TMEM132B: variants seen among roughly 807,000 people sequenced by gnomAD.
TMEM132B encodes transmembrane protein 132B.
A neutral mutation model predicts 90.8 loss-of-function variants in TMEM132B; 18 were observed. That is an observed-to-expected ratio of 0.20 (90% CI 0.14 to 0.29). The LOEUF (loss-of-function observed/expected upper bound fraction) is 0.29, where lower values mean the gene tolerates loss of function less well. TMEM132B is among the 10% of genes least tolerant of loss of function. The probability of loss-of-function intolerance (pLI) is 1.00; values close to 1 mark genes in which losing one functional copy is unlikely to be tolerated. For synonymous variants in TMEM132B, 504 were observed against 523.3 expected, an observed-to-expected ratio of 0.96 and a Z score of 0.50; for missense variants, 1,096 against 1,326.8, an observed-to-expected ratio of 0.83 and a Z score of 2.70.
chr12:125,574,019 G>A (rs1884873383), intron 4 of TMEM132B, among the ~76,000 whole-genome samples: 1 of 152,074 alleles, frequency 6.6e-6, no homozygotes, highest in African/African-American at 2.4e-5. Context: ...AGTTCATTGG[G>A]CCATTTCCTA....
At chr12:125,439,483 A>C (rs958057676) in intron 3 of TMEM132B, among the ~76,000 whole-genome samples, 6 of 152,048 alleles carry the variant, frequency 3.9e-5, no homozygotes, top group Non-Finnish European at 8.8e-5. Flanking sequence ...TACTGTTGGT[A>C]TGTAGGAATT....
intron 2 of TMEM132B, among the ~76,000 whole-genome samples, chr12:125,373,793 T>TTTTTG (rs1190309910): frequency 9.2e-5 from 14 of 151,536 alleles, no homozygotes; most frequent in Non-Finnish European, 1.6e-4. Context: ...GCACAGTTGT[T>TTTTTG]TTTTGTTTTG....
chr12:125,407,077 G>A lies in TMEM132B; in HGVS notation c.960-8454G>A, dbSNP rs903882539. ...GTGTCCAGAGCTTTTTTTGGAACTT[G>A]GTCACATAGACATGGCTGACTCTCC... On this transcript the variant is annotated intron_variant, in intron 2 of 8. Transcript: ENST00000682704. This position sits in a 1 kb window ranked among gnomAD's most constrained non-coding sequence, Gnocchi z 6.7. Among the ~76,000 whole-genome samples, 1 of 152,134 alleles carries A rather than the reference G, an allele frequency of 6.6e-6. No homozygotes were observed. The highest frequency in any genetic ancestry group is 1.5e-5 in the Non-Finnish European group (1 of 68,028).
intron 2 of TMEM132B, among the ~76,000 whole-genome samples, chr12:125,375,955 A>G (rs922276199): frequency 1.3e-5 from 2 of 152,272 alleles, no homozygotes; most frequent in Non-Finnish European, 2.9e-5. Flanking sequence ...GTGATAACTC[A>G]GATGACTGTA....
chr12:125,654,972 T>C lies in TMEM132B; in HGVS notation c.*262T>C. The stretch of plus-strand genomic sequence containing the variant: ...TATGGACTGCCTGGTACGAGCTCAG[T>C]GCAAATGTATTAAACCTGACCCCAC... On this transcript the variant is annotated 3_prime_UTR_variant, in exon 9 of 9. Transcript: ENST00000682704. The surrounding 1 kb of genome is among the most constrained non-coding windows in gnomAD (Gnocchi z 5.8). 1 of 422,960 alleles carries C rather than the reference T, an allele frequency of 2.4e-6. No individual in the cohort carries two copies. The highest frequency in any genetic ancestry group is 4.2e-6 in the Non-Finnish European group (1 of 235,318). The allele number at this position is 422,960 out of a possible 1,614,324, so 26.2% of individuals were successfully genotyped here.
chr12:125,505,191 A>AC (rs1882813808), intron 3 of TMEM132B, among the ~76,000 whole-genome samples: 1 of 149,012 alleles, frequency 6.7e-6, no homozygotes, highest in South Asian at 2.1e-4. Context: ...AAAAAAAAAA[A>AC]AAAACAGTAA....
intron 1 of TMEM132B, among the ~76,000 whole-genome samples, chr12:125,333,013 AAC>A (rs373470139): frequency 1.1e-4 from 17 of 152,336 alleles, no homozygotes; most frequent in African/African-American, 3.8e-4. Context: ...GGCTTAAAAC[AAC>A]AGACACTGAT....
At chr12:125,581,380 G>A (rs537261624) in intron 4 of TMEM132B, among the ~76,000 whole-genome samples, 1 of 152,148 alleles carries the variant, frequency 6.6e-6, no homozygotes, top group Non-Finnish European at 1.5e-5. Context: ...ACAGACTTCA[G>A]GTATAGTTGG....
chr12:125,510,322 C>A (rs1882947030), intron 3 of TMEM132B, among the ~76,000 whole-genome samples: 1 of 152,060 alleles, frequency 6.6e-6, no homozygotes, highest in Admixed American at 6.6e-5. Context: ...AAAAATAGGA[C>A]CACTCATGCC....
chr12:125,291,131 G>A (rs1875527349), intron 1 of TMEM132B, among the ~76,000 whole-genome samples: 1 of 152,136 alleles, frequency 6.6e-6, no homozygotes, highest in African/African-American at 2.4e-5. Context: ...GATGGGACTG[G>A]TGCCTTTATG....
chr12:125,506,821 TTA>T (rs1340734700), intron 3 of TMEM132B, among the ~76,000 whole-genome samples: 2 of 152,244 alleles, frequency 1.3e-5, no homozygotes, highest in African/African-American at 4.8e-5. Context: ...GGATTGGGTC[TTA>T]TATCTTTCTT....
chr12:125,503,731 A>G (rs1373201973), intron 3 of TMEM132B, among the ~76,000 whole-genome samples: 1 of 152,196 alleles, frequency 6.6e-6, no homozygotes, highest in Non-Finnish European at 1.5e-5. Flanking sequence ...GTCTTGTGAG[A>G]TGAAAGGAAA....
At chr12:125,524,427 A>G (rs550814155) in intron 4 of TMEM132B, among the ~76,000 whole-genome samples, 1 of 152,332 alleles carries the variant, frequency 6.6e-6, no homozygotes, top group African/African-American at 2.4e-5. Context: ...ATTTTGGTCA[A>G]GAGTGAGGGC....
chr12:125,214,239 T>A (rs905680523), intron 1 of TMEM132B, among the ~76,000 whole-genome samples: 2 of 152,238 alleles, frequency 1.3e-5, no homozygotes, highest in Admixed American at 1.3e-4. Flanking sequence ...AGGCTTCTGA[T>A]GTGGCTGACC....
intron 1 of TMEM132B, among the ~76,000 whole-genome samples, chr12:125,210,956 C>T (rs558448369): frequency 6.6e-6 from 1 of 152,132 alleles, no homozygotes; most frequent in East Asian, 1.9e-4. Context: ...GAACGAAACC[C>T]TGTCTCAAAA....
At chr12:125,235,392 C>T (rs1365886278) in intron 1 of TMEM132B, among the ~76,000 whole-genome samples, 2 of 152,066 alleles carry the variant, frequency 1.3e-5, no homozygotes, top group Non-Finnish European at 2.9e-5. Context: ...CTCTTCCTTC[C>T]AGCTGGCTGA....
Position 125,421,338 on chromosome 12 carries a change from T to C in TMEM132B, c.1106+5661T>C, listed in dbSNP as rs575130684. Among the ~76,000 whole-genome samples, 22 of 152,350 alleles carry C rather than the reference T, an allele frequency of 1.4e-4. No homozygotes were observed. The South Asian group carries it at 4.6e-3, about 32-fold the overall frequency. On this transcript the variant is annotated intron_variant, in intron 3 of 8. Coordinates refer to ENST00000682704, the MANE Select transcript of TMEM132B (RefSeq NM_001366854.1). ...GGTCTAATTGACTTACAGTTCCACATGGCTGGGGAGACCTCACAATCATGG... is the reference window on the plus strand; with the variant it reads ...GGTCTAATTGACTTACAGTTCCACACGGCTGGGGAGACCTCACAATCATGG...
chr12:125,639,476 A>G (rs1166796453), intron 5 of TMEM132B, among the ~76,000 whole-genome samples: 1 of 152,204 alleles, frequency 6.6e-6, no homozygotes, highest in Non-Finnish European at 1.5e-5. Context: ...TTATTGAATA[A>G]CTTCTATGGC....
rs796798292 is a variant in TMEM132B at position 125,518,175 on chromosome 12, T to G, written c.1107-1264T>G. ...TGTCAGTGCTGTGGCTGTATTCCAG[T>G]GTTCCTCTGATACCTCTTGGCATAT... is the stretch of plus-strand genomic sequence containing the variant. On this transcript the variant is annotated intron_variant, in intron 3 of 8. Coordinates refer to ENST00000682704, the MANE Select transcript of TMEM132B (RefSeq NM_001366854.1). Among the ~76,000 whole-genome samples, 25 of 152,294 alleles carry G rather than the reference T, an allele frequency of 1.6e-4. 1 individual carries two copies. Among genetic ancestry groups the G allele is most frequent in the African/African-American group, 5.3e-4 (22 of 41,564 alleles).
Sources: gnomAD v4.1 joint callset for allele counts (sites outside exome capture counted in the v4.1 genomes callset) on GRCh38, gnomAD v4.1.1 for gene constraint, Gnocchi (gnomAD v3.1) non-coding constraint, MANE v1.5 for transcripts, NCBI Gene and HGNC (gene_info 2026-07-23, HGNC 2026-07-21) for gene names.